The following NR5A2 variants were observed in gnomAD, a reference collection of about 807,000 sequenced individuals.
The protein encoded by NR5A2 is CYP7A promoter-binding factor.
NR5A2 carries 26 observed loss-of-function variants against 62.7 expected under a neutral mutation model. That is an observed-to-expected ratio of 0.41 (90% CI 0.30 to 0.58). The LOEUF (loss-of-function observed/expected upper bound fraction) is 0.58, where lower values mean the gene tolerates loss of function less well. Ranked by LOEUF, NR5A2 falls within the 20% of genes least tolerant of loss-of-function variation. NR5A2 has a pLI of 0.22. For synonymous variants in NR5A2, 246 were observed against 241.7 expected (o/e 1.02, Z -0.16); for missense variants, 541 against 669.1 (o/e 0.81, Z 2.11).
chr1:200,164,288 A>G lies in NR5A2; in HGVS notation c.1379-9675A>G, dbSNP rs989211376. ...CTTAGGTATTTCTTTATAGCAGTGC[A>G]AGAACGGCCTAGTGGAAATACAGAA... On this transcript the variant is annotated intron_variant, in intron 7 of 7. Coordinates refer to ENST00000367362, the MANE Select transcript of NR5A2 (RefSeq NM_205860.3). Among the ~76,000 whole-genome samples the G allele has an allele frequency of 3.5e-4, 54 of 152,160 alleles. 2 individuals are homozygous for G. The highest frequency in any genetic ancestry group is 2.9e-5 in the Non-Finnish European group (2 of 68,030).
chr1:200,102,869 C>T (rs1056565309), intron 5 of NR5A2, among the ~76,000 whole-genome samples: 2 of 152,092 alleles, frequency 1.3e-5, no homozygotes, highest in African/African-American at 4.8e-5. Context: ...GGGAAGACTT[C>T]CTGAAGGAGG....
intron 7 of NR5A2, among the ~76,000 whole-genome samples, chr1:200,134,180 T>G (rs1270326315): frequency 2.0e-5 from 3 of 152,110 alleles, no homozygotes; most frequent in African/African-American, 7.2e-5. Flanking sequence ...TATGGTTAAT[T>G]TATTACTGAA....
chr1:200,097,793 G>A (rs899072706), intron 5 of NR5A2, among the ~76,000 whole-genome samples: 3 of 152,110 alleles, frequency 2.0e-5, no homozygotes, highest in Non-Finnish European at 4.4e-5. Flanking sequence ...GAATGGGAAA[G>A]GCAGTATAGT....
chr1:200,090,874 C>T (rs570264406), intron 5 of NR5A2, among the ~76,000 whole-genome samples: 4 of 152,302 alleles, frequency 2.6e-5, no homozygotes, highest in South Asian at 2.1e-4. Context: ...CACTCACATT[C>T]ACGTACACAA....
chr1:200,113,895 A>G (rs1470740226), intron 6 of NR5A2, among the ~76,000 whole-genome samples: 1 of 152,112 alleles, frequency 6.6e-6, no homozygotes, highest in Non-Finnish European at 1.5e-5. Context: ...TAAAAAAGAA[A>G]AGAGGCCGGG....
chr1:200,106,336 C>T (rs758301775), intron 5 of NR5A2, among the ~76,000 whole-genome samples: 6 of 152,154 alleles, frequency 3.9e-5, no homozygotes, highest in Non-Finnish European at 7.3e-5. Flanking sequence ...GGATTACAGG[C>T]GTGAGCCACC....
chr1:200,027,842 CT>C lies in NR5A2; in HGVS notation c.-5del, dbSNP rs1661401934. 1.3e-6 allele frequency: 2 copies of C among 1,596,888 alleles called. No homozygotes were observed. The highest frequency in any genetic ancestry group is 1.7e-6 in the Non-Finnish European group (2 of 1,170,996). ...AGCCAAAGAACTGCCTATAATTTCACTAAGAATGTCTTCTAATTCAGATACT... is the reference window on the plus strand; with the variant it reads ...AGCCAAAGAACTGCCTATAATTTCACAAGAATGTCTTCTAATTCAGATACT... On this transcript the variant is annotated 5_prime_UTR_variant, in exon 1 of 8. Transcript: ENST00000367362.
chr1:200,162,555 G>T (rs757201421), intron 7 of NR5A2, among the ~76,000 whole-genome samples: 1 of 152,198 alleles, frequency 6.6e-6, no homozygotes, highest in Non-Finnish European at 1.5e-5. Flanking sequence ...CACATTTAAA[G>T]TTATCACTCA....
At chr1:200,072,594 A>G (rs933834378) in intron 5 of NR5A2, among the ~76,000 whole-genome samples, 32 of 152,178 alleles carry the variant, frequency 2.1e-4, no homozygotes, top group Admixed American at 1.7e-3. Flanking sequence ...GAGCCTATAT[A>G]TAGGCTCTCA....
chr1:200,094,927 T>C (rs941659018), intron 5 of NR5A2, among the ~76,000 whole-genome samples: 1 of 152,116 alleles, frequency 6.6e-6, no homozygotes, highest in African/African-American at 2.4e-5. Flanking sequence ...GAAAAAGTAG[T>C]GTTCTTCTAG....
At position 200,039,671 on chromosome 1, in the gene NR5A2, G is replaced by T; in HGVS notation, c.78G>T (p.Pro26=). The part of the protein sequence containing the change: ...HGLTPIGAGL[P]DRHGSPIPAR... ...GCCCGTGTCCAGGTGCTGGGCTTCC[G>T]GACCGACACGGATCCCCCATCCCCG... is the stretch of plus-strand genomic sequence containing the variant. The change falls in exon 2 of 8, where the codon CCG becomes CCT. Residue 26 remains proline, a synonymous_variant. Coordinates refer to ENST00000367362, the MANE Select transcript of NR5A2 (RefSeq NM_205860.3). This position sits in a 1 kb window ranked among gnomAD's most constrained non-coding sequence, Gnocchi z 5.1. 2 of 1,611,664 alleles carry T rather than the reference G, an allele frequency of 1.2e-6. No individual in the cohort carries two copies. Among genetic ancestry groups the T allele is most frequent in the East Asian group, 4.5e-5 (2 of 44,574 alleles).
Position 200,094,563 on chromosome 1 carries a change from C to T in NR5A2, c.1111-16639C>T, listed in dbSNP as rs549016963. Among the ~76,000 whole-genome samples the T allele has an allele frequency of 3.0e-3, 291 of 97,788 alleles. 6 individuals carry two copies. The highest frequency in any genetic ancestry group is 1.0e-3 in the Non-Finnish European group (54 of 53,344). 64.2% of individuals were successfully genotyped at this position (97,788 alleles called of 152,430 possible). A position where few individuals can be genotyped will look rare whatever the true frequency, so the allele number is the denominator to read the frequency against. On this transcript the variant is annotated intron_variant, in intron 5 of 7. Coordinates refer to ENST00000367362, the MANE Select transcript of NR5A2 (RefSeq NM_205860.3). ...TTTTTTTTTTTTTGAGAAGGAGTCT[C>T]GCTCTGTCGCCCAGGCTGGAGTGCA...
chr1:200,058,639 C>T (rs1663040084), intron 5 of NR5A2, among the ~76,000 whole-genome samples: 1 of 151,746 alleles, frequency 6.6e-6, no homozygotes, highest in Non-Finnish European at 1.5e-5. Flanking sequence ...CCACCATGCC[C>T]TGCTAATTTT....
chr1:200,090,173 G>A (rs927115693), intron 5 of NR5A2, among the ~76,000 whole-genome samples: 3 of 152,128 alleles, frequency 2.0e-5, no homozygotes, highest in Non-Finnish European at 4.4e-5. Context: ...ACAAACTCTA[G>A]CACAGAGTTT....
chr1:200,048,064 C>A lies in NR5A2; in HGVS notation c.464-108C>A. On this transcript the variant is annotated intron_variant, in intron 4 of 7. Coordinates refer to ENST00000367362, the MANE Select transcript of NR5A2 (RefSeq NM_205860.3). This position sits in a 1 kb window ranked among gnomAD's most constrained non-coding sequence, Gnocchi z 4.8. Reference sequence around the variant, plus strand: ...TGGGCTATTGTAACGAAAACAACCACACACATACCACTTCTTGTCGATTTA... The same window carrying A: ...TGGGCTATTGTAACGAAAACAACCAAACACATACCACTTCTTGTCGATTTA... The A allele has an allele frequency of 1.9e-6, 2 of 1,068,700 alleles. No individual in the cohort carries two copies. Among genetic ancestry groups the A allele is most frequent in the Non-Finnish European group, 2.7e-6 (2 of 739,264 alleles). The allele number at this position is 1,068,700 out of a possible 1,614,324, so 66.2% of individuals were successfully genotyped here.
intron 7 of NR5A2, among the ~76,000 whole-genome samples, chr1:200,159,930 G>A (rs886921404): frequency 6.6e-6 from 1 of 152,204 alleles, no homozygotes; most frequent in Admixed American, 6.5e-5. Context: ...TGGGATTAGA[G>A]GCATAAGCCA....
chr1:200,042,944 A>G, intron 2 of NR5A2: 1 of 985,450 alleles, frequency 1.0e-6, no homozygotes, highest in Non-Finnish European at 1.2e-6. Context: ...TTTCTGTTTA[A>G]CTTTAATAGG....
chr1:200,041,356 CCACT>C (rs1376421475), intron 2 of NR5A2, among the ~76,000 whole-genome samples: 3 of 152,130 alleles, frequency 2.0e-5, no homozygotes, highest in East Asian at 1.9e-4. Context: ...TCAGAAGTCG[CCACT>C]CACTCAGCCC....
intron 2 of NR5A2, among the ~76,000 whole-genome samples, chr1:200,040,208 C>T (rs73067987): frequency 0.057 from 8,664 of 152,132 alleles, 782 homozygotes; most frequent in African/African-American, 0.19. Flanking sequence ...GGAGGCGACC[C>T]AGTCTAGGAA....
Sources: gnomAD v4.1 joint callset for allele counts (sites outside exome capture counted in the v4.1 genomes callset) on GRCh38, gnomAD v4.1.1 for gene constraint, Gnocchi (gnomAD v3.1) non-coding constraint, MANE v1.5 for transcripts, NCBI Gene and HGNC (gene_info 2026-07-23, HGNC 2026-07-21) for gene names.